Variants in KAZN observed in about 807,000 individuals in gnomAD.
KAZN encodes the protein kazrin.
A neutral mutation model predicts 87.4 loss-of-function variants in KAZN; 40 were observed. That is an observed-to-expected ratio of 0.46 (90% confidence interval 0.36 to 0.60). The LOEUF (loss-of-function observed/expected upper bound fraction) is 0.60. KAZN is among the 20% of genes least tolerant of loss of function. The pLI, the probability that KAZN is intolerant of heterozygous loss-of-function variation, is 0.00. For missense variants in KAZN, 898 were observed against 1,073.9 expected (o/e 0.84, Z 2.29); for synonymous variants, 466 against 458.3 (o/e 1.02, Z -0.22).
intron 8 of KAZN, among the ~76,000 whole-genome samples, chr1:15,074,340 T>C (rs1412120384): frequency 2.6e-5 from 4 of 152,190 alleles, no homozygotes; most frequent in Non-Finnish European, 5.9e-5. Flanking sequence ...TCTCTGCAGC[T>C]GAGAGGCAGT....
chr1:14,019,260 G>A (rs1246425028), intron 1 of KAZN, among the ~76,000 whole-genome samples: 2 of 152,134 alleles, frequency 1.3e-5, no homozygotes, highest in Non-Finnish European at 2.9e-5. Context: ...GTGTGTTGGT[G>A]TAATGAGAAC....
In KAZN at chr1:14,143,361, C is replaced by T. The variant is rs557503147; in HGVS notation, c.92-37074C>T. On this transcript the variant is annotated intron_variant, in intron 1 of 16. Transcript: ENST00000636203. ...CTATTCCACTGCTCCCCTAGAAAAC[C>T]CCTTTCATTCTGAGCTATTGTTTCG... Among the ~76,000 whole-genome samples, 19 of 152,244 alleles carry T rather than the reference C, an allele frequency of 1.2e-4. 1 individual carries two copies. The South Asian group carries it at 3.9e-3, about 32-fold the overall frequency.
upstream of KAZN, among the ~76,000 whole-genome samples, chr1:14,594,733 C>T (rs76506319): frequency 6.6e-6 from 1 of 152,336 alleles, no homozygotes; most frequent in African/African-American, 2.4e-5. Flanking sequence ...TCTCTGGAAT[C>T]CTTCTCCCAA....
chr1:14,840,713 ACG>A, intron 1 of KAZN, among the ~76,000 whole-genome samples: 1 of 152,220 alleles, frequency 6.6e-6, no homozygotes, highest in Non-Finnish European at 1.5e-5. Flanking sequence ...TCTCTTGTCC[ACG>A]ATGCACCTCA....
intron 1 of KAZN, among the ~76,000 whole-genome samples, chr1:14,876,477 G>A (rs72870371): frequency 1.3e-3 from 203 of 152,298 alleles, no homozygotes; most frequent in African/African-American, 4.7e-3. Context: ...CCTGGGTTTA[G>A]GACCATCACT....
intron 1 of KAZN, among the ~76,000 whole-genome samples, chr1:14,958,859 C>T (rs986350727): frequency 4.0e-5 from 6 of 151,898 alleles, no homozygotes; most frequent in African/African-American, 9.7e-5. Context: ...GGGAGGAGTC[C>T]GTGCAGAGGG....
At chr1:13,958,624 G>T (rs1641639823) in intron 1 of KAZN, among the ~76,000 whole-genome samples, 1 of 151,772 alleles carries the variant, frequency 6.6e-6, no homozygotes, top group African/African-American at 2.4e-5. Context: ...AAACTAATTT[G>T]AAGGGCAGAT....
At position 14,093,668 on chromosome 1, in the gene KAZN, A is replaced by C. The variant is rs1644060080; in HGVS notation, c.92-86767A>C. On this transcript the variant is annotated intron_variant, in intron 1 of 16. Transcript: ENST00000636203. ...GTCTAAGTCTGCTGAAAAAAAAACA[A>C]AAACAAAACTGACAATAGACAGTTT... Among the ~76,000 whole-genome samples the C allele has an allele frequency of 2.0e-5, 3 of 152,312 alleles. No homozygotes were observed. In the South Asian group the frequency reaches 6.2e-4, roughly 32 times the overall value.
chr1:14,407,173 TTCC>T (rs1168212941), intron 2 of KAZN, among the ~76,000 whole-genome samples: 1 of 152,232 alleles, frequency 6.6e-6, no homozygotes, highest in Non-Finnish European at 1.5e-5. Context: ...ATGTGGGTCA[TTCC>T]TCGTTTTTGT....
intron 11 of KAZN, among the ~76,000 whole-genome samples, chr1:15,102,592 G>T (rs1032028975): frequency 6.6e-6 from 1 of 152,088 alleles, no homozygotes; most frequent in African/African-American, 2.4e-5. Context: ...AACAATTCAG[G>T]GTCAGAAGAG....
intron 1 of KAZN, among the ~76,000 whole-genome samples, chr1:14,786,662 C>G (rs1645517021): frequency 6.6e-6 from 1 of 152,214 alleles, no homozygotes; most frequent in African/African-American, 2.4e-5. Flanking sequence ...CACTTGCTCT[C>G]TTTCCCGACT....
chr1:14,671,597 G>A (rs1639920627), intron 1 of KAZN, among the ~76,000 whole-genome samples: 2 of 152,098 alleles, frequency 1.3e-5, no homozygotes. Context: ...CAGACATTGA[G>A]AGAAGGGCAG....
chr1:15,043,430 C>T (rs747855046), intron 3 of KAZN, among the ~76,000 whole-genome samples: 3 of 152,142 alleles, frequency 2.0e-5, no homozygotes, highest in Non-Finnish European at 2.9e-5. Context: ...AACCCAGACT[C>T]GATGAGGTAG....
At chr1:15,109,787 T>TTG (rs759907454) in intron 13 of KAZN, among the ~76,000 whole-genome samples, 12 of 38,012 alleles carry the variant, frequency 3.2e-4, no homozygotes, top group Non-Finnish European at 4.8e-4. Flanking sequence ...ATATATGTGT[T>TTG]TGTGTGTATG....
intron 2 of KAZN, among the ~76,000 whole-genome samples, chr1:14,433,820 A>G (rs1278861875): frequency 6.6e-6 from 1 of 152,230 alleles, no homozygotes; most frequent in African/African-American, 2.4e-5. Context: ...AGATGGTGTC[A>G]CTGCACTCCA....
intron 1 of KAZN, among the ~76,000 whole-genome samples, chr1:14,726,315 G>A (rs1643379411): frequency 6.6e-6 from 1 of 152,210 alleles, no homozygotes; most frequent in Non-Finnish European, 1.5e-5. Context: ...AGAGCACACA[G>A]GGGACCTGTG....
At chr1:14,547,585 TA>T (rs1224448481) in intron 2 of KAZN, among the ~76,000 whole-genome samples, 3 of 152,288 alleles carry the variant, frequency 2.0e-5, no homozygotes, top group Non-Finnish European at 4.4e-5. Flanking sequence ...TATTTTAAAA[TA>T]ACGCTGTTGT....
rs1660789789 is a variant in KAZN, at chr1:14,375,065, G to A, written c.249+194473G>A. Among the ~76,000 whole-genome samples the A allele has an allele frequency of 2.6e-5, 4 of 152,084 alleles. No homozygotes were observed. The South Asian group carries it at 8.3e-4, about 32-fold the overall frequency. On this transcript the variant is annotated intron_variant, in intron 2 of 16. Transcript: ENST00000636203. Reference sequence around the variant, plus strand: ...GAATCTGTTGCAGCTACAGCTCCAGGTTAACAGCTTCCAGCCTTTTCCAAA... The same window carrying A: ...GAATCTGTTGCAGCTACAGCTCCAGATTAACAGCTTCCAGCCTTTTCCAAA...
chr1:14,397,556 C>T (rs1295190359), intron 2 of KAZN, among the ~76,000 whole-genome samples: 1 of 152,014 alleles, frequency 6.6e-6, no homozygotes, highest in Non-Finnish European at 1.5e-5. Flanking sequence ...TCACTCTGAC[C>T]AATAGAATAA....
Sources: gnomAD v4.1 joint callset for allele counts (sites outside exome capture counted in the v4.1 genomes callset) on GRCh38, gnomAD v4.1.1 for gene constraint, MANE v1.5 for transcripts, NCBI Gene and HGNC (gene_info 2026-07-23, HGNC 2026-07-21) for gene names.